Variants in AOPEP observed in about 807,000 individuals in gnomAD.
The protein encoded by AOPEP is aminopeptidase O (putative), also known as aminopeptidase O.
AOPEP carries 77 observed loss-of-function variants against 98.1 expected under a neutral mutation model. That is an observed-to-expected ratio of 0.78 (90% CI 0.65 to 0.95). The LOEUF (loss-of-function observed/expected upper bound fraction) is 0.95, where lower values mean the gene tolerates loss of function less well. Ranked by LOEUF, AOPEP falls within the 40% of genes least tolerant of loss-of-function variation. The pLI is 0.00. For synonymous variants in AOPEP, 346 were observed against 365.3 expected, an observed-to-expected ratio of 0.95 and a Z score of 0.60; for missense variants, 1,024 against 1,024.7, an observed-to-expected ratio of 1.00 and a Z score of 0.01.
chr9:94,758,255 C>G (rs1837497579), intron 1 of AOPEP, among the ~76,000 whole-genome samples: 6 of 152,208 alleles, frequency 3.9e-5, no homozygotes, highest in Admixed American at 3.9e-4. Flanking sequence ...GTCAAGTCCT[C>G]TTCAGGAAGC....
intron 3 of AOPEP, among the ~76,000 whole-genome samples, chr9:94,776,397 G>A (rs1842101369): frequency 6.6e-6 from 1 of 152,138 alleles, no homozygotes; most frequent in African/African-American, 2.4e-5. Flanking sequence ...TGCTTTCCGG[G>A]TTCAAGCATT....
intron 13 of AOPEP, among the ~76,000 whole-genome samples, chr9:95,021,184 C>T (rs910958365): frequency 6.6e-6 from 1 of 152,094 alleles, no homozygotes; most frequent in African/African-American, 2.4e-5. Context: ...CCTCATTCCC[C>T]AAAACTTGGA....
At chr9:94,939,735 A>G (rs887635142) in intron 7 of AOPEP, among the ~76,000 whole-genome samples, 2 of 152,232 alleles carry the variant, frequency 1.3e-5, no homozygotes, top group African/African-American at 2.4e-5. Context: ...GGCTATGTGT[A>G]TAAAAGGTAC....
At chr9:94,802,146 T>A (rs1324484169) in intron 5 of AOPEP, among the ~76,000 whole-genome samples, 1 of 152,136 alleles carries the variant, frequency 6.6e-6, no homozygotes, top group African/African-American at 2.4e-5. Flanking sequence ...GTCTTGGATG[T>A]CTATATATAG....
the AOPEP span, among the ~76,000 whole-genome samples, chr9:95,126,323 C>T: frequency 6.6e-6 from 1 of 152,154 alleles, no homozygotes; most frequent in Admixed American, 6.5e-5. Context: ...ATAAAGTTAT[C>T]TTAATTCTTA....
intron 13 of AOPEP, among the ~76,000 whole-genome samples, chr9:95,044,934 C>G (rs1477385149): frequency 6.6e-6 from 1 of 152,104 alleles, no homozygotes; most frequent in Non-Finnish European, 1.5e-5. Context: ...TGCGTCAGTC[C>G]CTCTCGGCAC....
chr9:94,987,042 T>G (rs1164797286), intron 11 of AOPEP, among the ~76,000 whole-genome samples: 1 of 152,250 alleles, frequency 6.6e-6, no homozygotes, highest in African/African-American at 2.4e-5. Flanking sequence ...TCTTCCAGGA[T>G]CTGAAATCAG....
At chr9:94,958,419 G>A (rs1390178354) in intron 9 of AOPEP, among the ~76,000 whole-genome samples, 2 of 152,148 alleles carry the variant, frequency 1.3e-5, no homozygotes, top group African/African-American at 4.8e-5. Flanking sequence ...AAGTGGAATT[G>A]CTGGGTTATA....
intron 5 of AOPEP, among the ~76,000 whole-genome samples, chr9:94,923,203 C>T (rs118106295): frequency 0.037 from 5,681 of 152,176 alleles, 144 homozygotes; most frequent in Non-Finnish European, 0.059. Flanking sequence ...CTTCCCATTC[C>T]ACCTATGCAG....
chr9:94,884,503 T>TA lies in AOPEP; in HGVS notation c.1365-39480dup, dbSNP rs2047953203. On this transcript the variant is annotated intron_variant, in intron 5 of 16. Coordinates refer to ENST00000375315, the MANE Select transcript of AOPEP (RefSeq NM_001193329.3). ...CTACCACCAGGAAAGACTTGGGATA[T>TA]AAAGAGGCTGTACAGCACAGTGCAC... Among the ~76,000 whole-genome samples the TA allele has an allele frequency of 3.3e-5, 5 of 152,188 alleles. No individual in the cohort carries two copies. In the South Asian group the frequency reaches 1.0e-3, roughly 32 times the overall value.
At chr9:95,076,707 C>T (rs1007213914) in intron 14 of AOPEP, among the ~76,000 whole-genome samples, 2 of 152,122 alleles carry the variant, frequency 1.3e-5, no homozygotes, top group African/African-American at 4.8e-5. Flanking sequence ...CAGTGGCCAC[C>T]TGCACAGTAG....
intron 3 of AOPEP, among the ~76,000 whole-genome samples, chr9:94,783,297 A>C (rs1843685779): frequency 6.6e-6 from 1 of 152,164 alleles, no homozygotes; most frequent in Non-Finnish European, 1.5e-5. Context: ...CCTGTGCCTG[A>C]GGCGGTACCA....
intron 1 of AOPEP, among the ~76,000 whole-genome samples, chr9:94,747,038 T>TG (rs1218025773): frequency 3.5e-4 from 28 of 79,326 alleles, no homozygotes; most frequent in African/African-American, 1.3e-3. Context: ...TTAACTCCAG[T>TG]GGGTTTTTTT....
intron 7 of AOPEP, among the ~76,000 whole-genome samples, chr9:94,944,539 C>CT (rs2057402582): frequency 6.6e-6 from 1 of 152,108 alleles, no homozygotes; most frequent in Non-Finnish European, 1.5e-5. Context: ...TAGGCAAATC[C>CT]ATAGAGACAA....
intron 5 of AOPEP, among the ~76,000 whole-genome samples, chr9:94,807,379 C>T (rs1313080932): frequency 6.6e-6 from 1 of 152,152 alleles, no homozygotes; most frequent in African/African-American, 2.4e-5. Context: ...ACTGACAGTC[C>T]TACCTTCAGA....
chr9:94,982,954 T>C (rs1252001065), intron 11 of AOPEP, among the ~76,000 whole-genome samples: 1 of 152,240 alleles, frequency 6.6e-6, no homozygotes, highest in Non-Finnish European at 1.5e-5. Context: ...AATAAATTTC[T>C]GCATCCAGCC....
intron 6 of AOPEP, 84 bp from the exon 7 acceptor site, chr9:94,928,341 T>G: frequency 2.0e-6 from 2 of 976,688 alleles, no homozygotes; most frequent in Non-Finnish European, 3.1e-6. Context: ...TTGTCCCCCA[T>G]TGAAACAAAG....
At chr9:95,028,007 A>T (rs2063981168) in intron 13 of AOPEP, among the ~76,000 whole-genome samples, 1 of 152,166 alleles carries the variant, frequency 6.6e-6, no homozygotes, top group Non-Finnish European at 1.5e-5. Flanking sequence ...GCCTCAGAAC[A>T]CTCATTGCAG....
intron 14 of AOPEP, among the ~76,000 whole-genome samples, chr9:95,077,257 A>G (rs1381225852): frequency 6.6e-6 from 1 of 152,220 alleles, no homozygotes; most frequent in African/African-American, 2.4e-5. Flanking sequence ...AGCCTGGGCC[A>G]GCCTCCAGCA....
Sources: allele counts gnomAD v4.1 joint callset (sites outside exome capture counted in the v4.1 genomes callset), GRCh38; gene constraint gnomAD v4.1.1; transcripts MANE v1.5; gene names NCBI Gene and HGNC (gene_info 2026-07-23, HGNC 2026-07-21).